The following NINJ2 variants were observed in gnomAD, a reference collection of about 807,000 sequenced individuals.
The protein encoded by NINJ2 is ninjurin 2.
Under a neutral mutation model 11.7 loss-of-function variants are expected in NINJ2, and 12 were observed. The observed-to-expected ratio is 1.02, with a 90% CI of 0.66 to 1.66. The LOEUF (loss-of-function observed/expected upper bound fraction) is 1.66. Among genes scored for constraint, NINJ2 ranks in the 40% most tolerant of loss-of-function variants. The pLI, the probability that NINJ2 is intolerant of heterozygous loss-of-function variation, is 0.00. For synonymous variants in NINJ2, 93 were observed against 76.8 expected (o/e 1.21, Z -1.10); for missense variants, 187 against 181.8 (o/e 1.03, Z -0.16).
At chr12:643,994 C>G (rs1447200485) in intron 1 of NINJ2, 1 of 154,906 alleles carries the variant, frequency 6.5e-6, no homozygotes, top group East Asian at 1.9e-4. Flanking sequence ...GAACCATGGT[C>G]TTCATTGCTG....
intron 1 of NINJ2, among the ~76,000 whole-genome samples, chr12:651,834 C>T (rs917651122): frequency 4.5e-4 from 68 of 152,218 alleles, no homozygotes; most frequent in African/African-American, 1.3e-3. Flanking sequence ...CATTAGTAGA[C>T]GGGTCATGGC....
chr12:638,640 G>C (rs989008706), intron 1 of NINJ2, among the ~76,000 whole-genome samples: 18 of 152,250 alleles, frequency 1.2e-4, no homozygotes, highest in East Asian at 9.7e-4. Context: ...TGGTCTTGAT[G>C]TCCTGACCTC....
At chr12:642,964 CGGCCCGGCCCTCCCTCCCCAGCT>C (rs1208482562) in intron 1 of NINJ2, 5 of 149,668 alleles carry the variant, frequency 3.3e-5, no homozygotes, top group Admixed American at 1.3e-4. Context: ...CCGCGCCCGC[CGGCCCGGCCCTCCCTCCCCAGCT>C]GGCCCGGCCG....
intron 1 of NINJ2, among the ~76,000 whole-genome samples, chr12:636,455 G>A (rs890727686): frequency 6.6e-6 from 1 of 151,654 alleles, no homozygotes; most frequent in Non-Finnish European, 1.5e-5. Context: ...CAGAATGGGA[G>A]AAAATATTTG....
chr12:613,733 G>A (rs892625541), intron 1 of NINJ2, among the ~76,000 whole-genome samples: 29 of 151,504 alleles, frequency 1.9e-4, no homozygotes, highest in South Asian at 2.1e-4. Context: ...GTGAAACCCC[G>A]TCTCTACTAA....
intron 1 of NINJ2, among the ~76,000 whole-genome samples, chr12:598,069 T>C (rs1484491975): frequency 6.6e-6 from 1 of 152,234 alleles, no homozygotes; most frequent in African/African-American, 2.4e-5. Context: ...CATCTGCAGA[T>C]AAGTTTCCTG....
In NINJ2 at chr12:624,835, G is replaced by A. The variant is rs34499829; in HGVS notation, c.33+38493C>T. Among the ~76,000 whole-genome samples the A allele has an allele frequency of 8.6e-3, 1,269 of 147,960 alleles. 8 individuals carry two copies. The highest frequency in any genetic ancestry group is 0.013 in the Non-Finnish European group (880 of 67,350). On this transcript the variant is annotated intron_variant, in intron 1 of 3. Transcript: ENST00000305108. ...AAAAAAAAAAAAAAGATGGCTGGGC[G>A]CGGTGGCTCACGCCTGTAATCCCAG...
At chr12:596,408 A>C (rs939707668) in intron 1 of NINJ2, among the ~76,000 whole-genome samples, 7 of 152,206 alleles carry the variant, frequency 4.6e-5, no homozygotes, top group Non-Finnish European at 7.3e-5. Flanking sequence ...CATTAGCTGC[A>C]ACAAATGGAC....
At chr12:651,089 A>T (rs1169047013) in intron 1 of NINJ2, among the ~76,000 whole-genome samples, 1 of 152,204 alleles carries the variant, frequency 6.6e-6, no homozygotes, top group East Asian at 1.9e-4. Context: ...AGGGTGACCC[A>T]GTCATGGGGG....
intron 1 of NINJ2, among the ~76,000 whole-genome samples, chr12:594,092 G>A (rs113272174): frequency 0.059 from 8,991 of 152,038 alleles, 271 homozygotes; most frequent in African/African-American, 0.07. Context: ...CCAGGCTAAC[G>A]CAATAAGATG....
chr12:618,564 C>G (rs930362671), intron 1 of NINJ2, among the ~76,000 whole-genome samples: 1 of 152,184 alleles, frequency 6.6e-6, no homozygotes, highest in African/African-American at 2.4e-5. Flanking sequence ...TATAACCTAC[C>G]AGCAGGCTTT....
intron 1 of NINJ2, among the ~76,000 whole-genome samples, chr12:572,630 G>C (rs757417034): frequency 3.3e-5 from 5 of 152,186 alleles, no homozygotes; most frequent in Non-Finnish European, 7.3e-5. Context: ...ACACTGGAAC[G>C]ATGGTGGTTC....
chr12:611,745 C>T (rs944444764), intron 1 of NINJ2, among the ~76,000 whole-genome samples: 10 of 152,238 alleles, frequency 6.6e-5, no homozygotes, highest in African/African-American at 2.4e-4. Flanking sequence ...GATATTCTTC[C>T]CATACCCACC....
At chr12:576,348 AC>A (rs1335586454) in intron 1 of NINJ2, among the ~76,000 whole-genome samples, 5 of 152,160 alleles carry the variant, frequency 3.3e-5, no homozygotes, top group Non-Finnish European at 7.3e-5. Context: ...CCGGGCTTTG[AC>A]CCCTTTGTGA....
rs546772428 is a variant in NINJ2 at position 599,749 on chromosome 12, C to T, written c.34-33571G>A. Among the ~76,000 whole-genome samples, 24 of 152,324 alleles carry T rather than the reference C, an allele frequency of 1.6e-4. No individual in the cohort carries two copies. In the South Asian group the frequency reaches 1.9e-3, roughly 12 times the overall value. On this transcript the variant is annotated intron_variant, in intron 1 of 3. Coordinates refer to ENST00000305108, the MANE Select transcript of NINJ2 (RefSeq NM_016533.6). ...AAGTGCGGAGGCCCTCCCAGCCCCA[C>T]GACTGCGCTTGGCCTACTGCCTCTC...
chr12:577,627 A>G (rs902228959), intron 1 of NINJ2, among the ~76,000 whole-genome samples: 1 of 151,284 alleles, frequency 6.6e-6, no homozygotes, highest in Non-Finnish European at 1.5e-5. Context: ...TCTAAATCCT[A>G]AGCCTGCGTT....
chr12:583,275 G>T (rs945238674), intron 1 of NINJ2, among the ~76,000 whole-genome samples: 2 of 152,330 alleles, frequency 1.3e-5, no homozygotes, highest in East Asian at 3.9e-4. Flanking sequence ...TGCCTTTAGC[G>T]CTGGCCCAGA....
At chr12:569,564 C>G (rs902001579) in intron 1 of NINJ2, among the ~76,000 whole-genome samples, 3 of 152,210 alleles carry the variant, frequency 2.0e-5, no homozygotes, top group Non-Finnish European at 4.4e-5. Flanking sequence ...CCCTTCCCCC[C>G]AAATGTATCG....
intron 1 of NINJ2, chr12:643,322 C>A: frequency 1.7e-6 from 1 of 585,770 alleles, no homozygotes; most frequent in Non-Finnish European, 2.2e-6. Context: ...GCCTCGCAGC[C>A]TCGCAGCCCC....
Sources: allele counts gnomAD v4.1 joint callset (sites outside exome capture counted in the v4.1 genomes callset), GRCh38; gene constraint gnomAD v4.1.1; transcripts MANE v1.5; gene names NCBI Gene and HGNC (gene_info 2026-07-23, HGNC 2026-07-21).